The following NEK10 variants were observed in gnomAD, a reference collection of about 807,000 sequenced individuals.
NEK10 encodes the protein serine/threonine-protein kinase Nek10.
NEK10 carries 122 observed loss-of-function variants against 159.8 expected under a neutral mutation model. The observed-to-expected ratio is 0.76, with a 90% confidence interval of 0.66 to 0.89. The LOEUF (loss-of-function observed/expected upper bound fraction) is 0.89. NEK10 is among the 40% of genes least tolerant of loss of function. NEK10 has a pLI of 0.00. For synonymous variants in NEK10, 466 were observed against 457.1 expected, an observed-to-expected ratio of 1.02 and a Z score of -0.25; for missense variants, 1,342 against 1,323.1, an observed-to-expected ratio of 1.01 and a Z score of -0.22.
chr3:27,349,970 C>T (rs575841269), intron 3 of NEK10, among the ~76,000 whole-genome samples: 87 of 152,112 alleles, frequency 5.7e-4, no homozygotes, highest in Non-Finnish European at 1.0e-3. Flanking sequence ...AAGTAGAACA[C>T]TGGAACACAA....
At chr3:27,262,322 T>C (rs1050050450) in intron 22 of NEK10, among the ~76,000 whole-genome samples, 3 of 152,222 alleles carry the variant, frequency 2.0e-5, no homozygotes, top group Non-Finnish European at 4.4e-5. Context: ...GGAGTTGCTC[T>C]TCTCAAGGAG....
intron 20 of NEK10, among the ~76,000 whole-genome samples, chr3:27,286,308 G>A (rs1384807075): frequency 1.3e-5 from 2 of 151,258 alleles, no homozygotes; most frequent in South Asian, 2.1e-4. Context: ...GGATGGTCTC[G>A]ATTTCCTGAC....
In NEK10 at chr3:27,114,228, C is replaced by G. The variant is rs182543900; in HGVS notation, c.3299+1712G>C. ...AGCCCAGAAATGAGAAATATCCAAA[C>G]TTGGTCAGAGGTCCTTGCTGCTCTT... On this transcript the variant is annotated intron_variant, in intron 35 of 35. Coordinates refer to ENST00000691995, the MANE Select transcript of NEK10 (RefSeq NM_001394966.1). 8.0e-3 allele frequency among the ~76,000 whole-genome samples: 1,217 copies of G among 152,250 alleles called. 9 individuals carry two copies. The highest frequency in any genetic ancestry group is 0.013 in the Non-Finnish European group (893 of 68,022).
intron 30 of NEK10, among the ~76,000 whole-genome samples, chr3:27,156,379 A>G (rs537719880): frequency 6.6e-6 from 1 of 152,280 alleles, no homozygotes; most frequent in Non-Finnish European, 1.5e-5. Flanking sequence ...ACAGAGTGGG[A>G]GAAAATCTTC....
chr3:27,308,361 G>A (rs1397130717), intron 10 of NEK10, among the ~76,000 whole-genome samples: 1 of 151,970 alleles, frequency 6.6e-6, no homozygotes, highest in Non-Finnish European at 1.5e-5. Flanking sequence ...GATTTGGTTG[G>A]GGACACAAAG....
intron 29 of NEK10, among the ~76,000 whole-genome samples, chr3:27,170,124 A>G (rs1265284306): frequency 6.6e-6 from 1 of 152,160 alleles, no homozygotes; most frequent in East Asian, 1.9e-4. Flanking sequence ...TAAGTTAGCT[A>G]AAGTCAGGCT....
At chr3:27,323,350 C>T (rs901690108) in intron 5 of NEK10, among the ~76,000 whole-genome samples, 1 of 152,154 alleles carries the variant, frequency 6.6e-6, no homozygotes, top group Non-Finnish European at 1.5e-5. Context: ...CCAGACACTC[C>T]CACTGGCTCT....
intron 5 of NEK10, among the ~76,000 whole-genome samples, chr3:27,343,510 T>C (rs563732498): frequency 1.5e-4 from 23 of 152,356 alleles, no homozygotes; most frequent in South Asian, 6.2e-4. Flanking sequence ...AGGTTCTTTA[T>C]AGGCATTTTT....
chr3:27,239,142 A>G (rs1342382056), intron 23 of NEK10, among the ~76,000 whole-genome samples: 1 of 152,138 alleles, frequency 6.6e-6, no homozygotes, highest in African/African-American at 2.4e-5. Flanking sequence ...TCCCATTTTA[A>G]TGCATAATTC....
At chr3:27,267,592 T>A (rs912138678) in intron 22 of NEK10, among the ~76,000 whole-genome samples, 1 of 152,194 alleles carries the variant, frequency 6.6e-6, no homozygotes, top group East Asian at 1.9e-4. Flanking sequence ...GTCATTGTTT[T>A]GGGACACTAC....
At chr3:27,146,839 A>C (rs1389892098) in intron 30 of NEK10, among the ~76,000 whole-genome samples, 1 of 152,216 alleles carries the variant, frequency 6.6e-6, no homozygotes, top group African/African-American at 2.4e-5. Flanking sequence ...TCTTAGGAGA[A>C]GGAATAATTC....
chr3:27,300,436 G>T (rs1365398821), intron 13 of NEK10, among the ~76,000 whole-genome samples: 2 of 152,012 alleles, frequency 1.3e-5, no homozygotes, highest in Admixed American at 1.3e-4. Flanking sequence ...TCTTTCTTTT[G>T]TAAATTGCCC....
At chr3:27,276,982 G>T (rs535034211) in intron 22 of NEK10, among the ~76,000 whole-genome samples, 1 of 152,290 alleles carries the variant, frequency 6.6e-6, no homozygotes, top group African/African-American at 2.4e-5. Flanking sequence ...GTAGTCACAT[G>T]ACTTGGTTTC....
chr3:27,224,241 C>A (rs1199478936), intron 23 of NEK10, among the ~76,000 whole-genome samples: 1 of 152,232 alleles, frequency 6.6e-6, no homozygotes, highest in Admixed American at 6.5e-5. Context: ...GTTCAATGGA[C>A]AGTCCCATTT....
chr3:27,287,071 T>A (rs950786679), intron 20 of NEK10, among the ~76,000 whole-genome samples: 4 of 151,638 alleles, frequency 2.6e-5, no homozygotes, highest in South Asian at 2.1e-4. Flanking sequence ...ATTTCGACAT[T>A]TCATATGTGA....
At chr3:27,348,095 T>C (rs1164813033) in intron 3 of NEK10, among the ~76,000 whole-genome samples, 1 of 152,206 alleles carries the variant, frequency 6.6e-6, no homozygotes, top group Non-Finnish European at 1.5e-5. Flanking sequence ...AGGTGATTTC[T>C]GAATATGAAC....
intron 5 of NEK10, among the ~76,000 whole-genome samples, chr3:27,330,944 A>G (rs2046348078): frequency 6.6e-6 from 1 of 152,166 alleles, no homozygotes; most frequent in Non-Finnish European, 1.5e-5. Context: ...GTACCTAAAG[A>G]CACAAACCTG....
At chr3:27,315,276 C>T (rs1009076567) in intron 6 of NEK10, among the ~76,000 whole-genome samples, 5 of 152,114 alleles carry the variant, frequency 3.3e-5, no homozygotes, top group South Asian at 4.1e-4. Flanking sequence ...TGGGAGAGAA[C>T]AGTCTAGTTC....
intron 23 of NEK10, among the ~76,000 whole-genome samples, chr3:27,202,778 C>CAT (rs1950166586): frequency 6.6e-6 from 1 of 152,178 alleles, no homozygotes; most frequent in Non-Finnish European, 1.5e-5. Flanking sequence ...ACCAGTAACT[C>CAT]ATATAAGTAT....
Sources: allele counts gnomAD v4.1 joint callset (sites outside exome capture counted in the v4.1 genomes callset), GRCh38; gene constraint gnomAD v4.1.1; transcripts MANE v1.5; gene names NCBI Gene and HGNC (gene_info 2026-07-23, HGNC 2026-07-21).